Variants in SMC2 observed in about 807,000 individuals in gnomAD.
SMC2 encodes the protein structural maintenance of chromosomes protein 2.
In SMC2, 41 loss-of-function variants were observed where a neutral mutation model predicts 142.6. The ratio of observed to expected loss-of-function variants is 0.29; its 90% CI spans 0.22 to 0.37. SMC2 has a LOEUF of 0.37. SMC2 is among the 10% of genes least tolerant of loss of function. The pLI is 1.00. For synonymous variants in SMC2, 463 were observed against 457.5 expected (o/e 1.01, Z -0.15); for missense variants, 1,265 against 1,373.7 (o/e 0.92, Z 1.25).
chr9:104,125,548 G>A (rs1834174202), intron 18 of SMC2, among the ~76,000 whole-genome samples: 2 of 152,058 alleles, frequency 1.3e-5, no homozygotes, highest in Admixed American at 1.3e-4. Flanking sequence ...TTAAGGAAAG[G>A]GCAAAGTTGA....
chr9:104,123,295 G>GT, intron 17 of SMC2, 63 bp downstream of exon 17: 1 of 1,514,252 alleles, frequency 6.6e-7, no homozygotes. Context: ...CTTACTTTAG[G>GT]TATCTTCTCT....
intron 9 of SMC2, among the ~76,000 whole-genome samples, chr9:104,106,064 C>T (rs910570842): frequency 1.3e-5 from 2 of 152,154 alleles, no homozygotes; most frequent in Non-Finnish European, 2.9e-5. Context: ...ATGCCCTAGT[C>T]GGATGTTGGT....
intron 2 of SMC2, 57 bp from the exon 3 acceptor site, chr9:104,096,091 G>T: frequency 6.5e-7 from 1 of 1,531,482 alleles, no homozygotes; most frequent in Non-Finnish European, 8.9e-7. Flanking sequence ...CATTTTTAGT[G>T]CTGCTTTGTA....
At chr9:104,119,319 G>A (rs1833475656) in intron 15 of SMC2, among the ~76,000 whole-genome samples, 1 of 152,156 alleles carries the variant, frequency 6.6e-6, no homozygotes, top group South Asian at 2.1e-4. Flanking sequence ...AAGTAACCCC[G>A]TATTTTAATT....
upstream of SMC2, among the ~76,000 whole-genome samples, chr9:104,090,996 A>T (rs1479472393): frequency 6.6e-6 from 1 of 152,248 alleles, no homozygotes; most frequent in Non-Finnish European, 1.5e-5. Flanking sequence ...GAATGGGTCT[A>T]ACCAGTCCCA....
intron 3 of SMC2, among the ~76,000 whole-genome samples, chr9:104,097,012 G>A (rs1830506873): frequency 6.6e-6 from 1 of 151,796 alleles, no homozygotes; most frequent in African/African-American, 2.4e-5. Flanking sequence ...TAGAGCATTG[G>A]GGTGTTCATA....
At chr9:104,119,111 C>T (rs77983629) in intron 15 of SMC2, among the ~76,000 whole-genome samples, 8,617 of 152,120 alleles carry the variant, frequency 0.057, 653 homozygotes, top group African/African-American at 0.18. Context: ...CTTAATGTTG[C>T]TCTCGGCCAC....
chr9:104,135,281 A>C (rs1186512972), intron 23 of SMC2, among the ~76,000 whole-genome samples: 1 of 152,140 alleles, frequency 6.6e-6, no homozygotes, highest in East Asian at 1.9e-4. Flanking sequence ...AAGCTACTAA[A>C]AAGAATTAAG....
At chr9:104,094,152 C>A (rs973540260), upstream of SMC2, 21 of 381,140 alleles carry the variant, frequency 5.5e-5, no homozygotes, top group African/African-American at 3.9e-4. Flanking sequence ...GCCGGGGAGT[C>A]CCCGGAGCTA....
In SMC2 at chr9:104,140,362, T is replaced by C. The variant is rs1254099798; in HGVS notation, c.*1047T>C. 1 of 152,144 alleles carries C rather than the reference T, an allele frequency of 6.6e-6. No homozygotes were observed. Among genetic ancestry groups the C allele is most frequent in the African/African-American group, 2.4e-5 (1 of 41,456 alleles). The allele number at this position is 152,144 out of a possible 1,614,324, so 9.4% of individuals were successfully genotyped here. On this transcript the variant is annotated 3_prime_UTR_variant, in exon 25 of 25. Transcript: ENST00000374793. ...TAGCGAACACCATGAGAATACTGTC[T>C]ACAGTTTTTGGTACGTCATCACTAG...
At chr9:104,091,705 G>A (rs1829982969), upstream of SMC2, among the ~76,000 whole-genome samples, 1 of 152,110 alleles carries the variant, frequency 6.6e-6, no homozygotes, top group Non-Finnish European at 1.5e-5. Context: ...AAGGAGAAAG[G>A]ATTCACTCGG....
rs376463312 is a variant in SMC2 at position 104,114,062 on chromosome 9, A to G, written c.1513A>G (p.Asn505Asp). ...TGAAGCTCTATTAGCCAGATTTCCC[A>G]ATCTTCGATTTGCATACAAGTAAGA... ...TYEALLARFP[N>D]LRFAYKDPEK... Residue 505 changes from asparagine (N) to aspartate (D), a missense_variant, in exon 12 of 25, where the codon AAT (asparagine) becomes GAT (aspartate). Physicochemically the swap from Asn to Asp is conservative, Grantham distance 23. Transcript: ENST00000374793. The G allele has an allele frequency of 5.3e-5, 83 of 1,572,498 alleles. No homozygotes were observed. The highest frequency in any genetic ancestry group is 3.0e-4 in the Admixed American group (16 of 53,410).
At chr9:104,103,344 A>T (rs1339716263) in intron 9 of SMC2, among the ~76,000 whole-genome samples, 1 of 152,194 alleles carries the variant, frequency 6.6e-6, no homozygotes, top group African/African-American at 2.4e-5. Flanking sequence ...GAATATAGAT[A>T]ACTTTTTGAG....
At position 104,134,672 on chromosome 9, in the gene SMC2, A is replaced by G. The variant is rs569009676; in HGVS notation, c.3269+97A>G. 69 of 837,386 alleles carry G rather than the reference A, an allele frequency of 8.2e-5. 1 individual carries two copies. The African/African-American group carries it at 1.1e-3, about 13-fold the overall frequency. 51.9% of individuals were successfully genotyped at this position (837,386 alleles called of 1,614,324 possible). On this transcript the variant is annotated intron_variant, in intron 23 of 24. Transcript: ENST00000374793. The stretch of plus-strand genomic sequence containing the variant: ...GTATTTGTGTTTTAACTACCTTTGC[A>G]TGTAGAATTTAAGGAGTCTAATATA...
intron 22 of SMC2, among the ~76,000 whole-genome samples, chr9:104,132,882 A>G (rs1835138727): frequency 6.6e-6 from 1 of 150,478 alleles, no homozygotes; most frequent in Non-Finnish European, 1.5e-5. Context: ...TCGTGGACTT[A>G]GTACAAATCA....
At chr9:104,094,718 ATATG>A (rs1217670076) in intron 1 of SMC2, 3 of 325,958 alleles carry the variant, frequency 9.2e-6, no homozygotes, top group African/African-American at 6.4e-5. Flanking sequence ...AAGTTGGAGA[ATATG>A]AGATACATCT....
At chr9:104,121,916 G>A (rs1408463928) in intron 16 of SMC2, among the ~76,000 whole-genome samples, 4 of 152,048 alleles carry the variant, frequency 2.6e-5, no homozygotes, top group South Asian at 4.2e-4. Flanking sequence ...CACCACACCC[G>A]GCTAATTTTT....
rs112058184 is a variant in SMC2 at position 104,113,939 on chromosome 9, T to C, written c.1415-25T>C. 7.0e-6 allele frequency: 10 copies of C among 1,431,770 alleles called. No homozygotes were observed. In the African/African-American group the frequency reaches 1.3e-4, roughly 19 times the overall value. The allele number at this position is 1,431,770 out of a possible 1,614,324, so 88.7% of individuals were successfully genotyped here. ...AGAGTGAGCTTTTAAAACTTGGTTT[T>C]AATTTATTATGATTTATCCTTCAGA... On this transcript the variant is annotated intron_variant, in intron 11 of 24. Transcript: ENST00000374793.
chr9:104,093,255 C>T (rs1385637421), upstream of SMC2, among the ~76,000 whole-genome samples: 1 of 152,142 alleles, frequency 6.6e-6, no homozygotes, highest in Non-Finnish European at 1.5e-5. Context: ...TCTTAAGTAT[C>T]AACGTGCTTG....
Sources: gnomAD v4.1 joint callset for allele counts (sites outside exome capture counted in the v4.1 genomes callset) on GRCh38, gnomAD v4.1.1 for gene constraint, MANE v1.5 for transcripts, NCBI Gene and HGNC (gene_info 2026-07-23, HGNC 2026-07-21) for gene names.